The following CALML4 variants were observed in gnomAD, a reference collection of about 807,000 sequenced individuals.
CALML4 encodes the protein calmodulin like 4.
CALML4 carries 16 observed loss-of-function variants against 17.9 expected under a neutral mutation model. The observed-to-expected ratio is 0.89, with a 90% confidence interval of 0.61 to 1.36. The LOEUF is 1.36. CALML4 is among the 40% of genes most tolerant of loss of function. The pLI is 0.00. For synonymous variants in CALML4, 86 were observed against 71.5 expected, an observed-to-expected ratio of 1.20 and a Z score of -1.02; for missense variants, 203 against 194.8, an observed-to-expected ratio of 1.04 and a Z score of -0.25.
chr15:68,197,460 TCCC>T lies in CALML4; in HGVS notation c.341_343del (p.Gly114del). On this transcript the variant is annotated inframe_deletion, in exon 4 of 5. Transcript: ENST00000467889. This position sits in a 1 kb window ranked among gnomAD's most constrained non-coding sequence, Gnocchi z 4.1. ...GTTACCTTCCTTGTGGGTGAGCTTC[TCCC>T]CCAGACTCGTGAGTTTTGACCGCAG... The T allele has an allele frequency of 1.2e-6, 2 of 1,613,858 alleles. No individual in the cohort carries two copies. Among genetic ancestry groups the T allele is most frequent in the Non-Finnish European group, 1.7e-6 (2 of 1,179,912 alleles).
rs1358043940 is a variant in CALML4, at chr15:68,197,008, G to A, written c.364+432C>T. Among the ~76,000 whole-genome samples, 1 of 152,212 alleles carries A rather than the reference G, an allele frequency of 6.6e-6. No individual in the cohort carries two copies. The highest frequency in any genetic ancestry group is 2.4e-5 in the African/African-American group (1 of 41,456). ...CTGCTGTGATGGGAAAAAGGGCAGG[G>A]ATGTCTAGACCTGCCTTCGCTCCTG... is the stretch of plus-strand genomic sequence containing the variant. On this transcript the variant is annotated intron_variant, in intron 4 of 4. Transcript: ENST00000467889. The surrounding 1 kb of genome is among the most constrained non-coding windows in gnomAD (Gnocchi z 4.1).
Position 68,199,582 on chromosome 15 carries a change from G to A in CALML4, c.134C>T (p.Thr45Met), listed in dbSNP as rs776462687. Residue 45 changes from threonine (T) to methionine (M), a missense_variant, in exon 3 of 5, where the codon ACG becomes ATG. Coordinates refer to ENST00000467889, the MANE Select transcript of CALML4 (RefSeq NM_033429.3). ...CAGGTGCCGCTGCACCTCCCCTGGCGTCGGGCTGGCCCCCAGGCACCTCAT... is the reference window on the plus strand; with the variant it reads ...CAGGTGCCGCTGCACCTCCCCTGGCATCGGGCTGGCCCCCAGGCACCTCAT... ...VAMRCLGASP[T>M]PGEVQRHLQT... 29 of 1,613,568 alleles carry A rather than the reference G, an allele frequency of 1.8e-5. No homozygotes were observed. Among genetic ancestry groups the A allele is most frequent in the African/African-American group, 5.3e-5 (4 of 74,798 alleles).
At chr15:68,201,151 C>A (rs1156285237) in intron 2 of CALML4, among the ~76,000 whole-genome samples, 1 of 152,204 alleles carries the variant, frequency 6.6e-6, no homozygotes, top group Non-Finnish European at 1.5e-5. Flanking sequence ...GAGACAAATT[C>A]GCGGCCTTTG....
rs968729631 is a variant in CALML4 at position 68,197,942 on chromosome 15, C to T, written c.176-314G>A. On this transcript the variant is annotated intron_variant, in intron 3 of 4. Transcript: ENST00000467889. This position sits in a 1 kb window ranked among gnomAD's most constrained non-coding sequence, Gnocchi z 4.1. ...TCCTCTGCTCCCTTCTAGCGCTTCC[C>T]TCCTGCCCTGAACTGGAGGGAAACA... 3.7e-5 allele frequency: 11 copies of T among 294,870 alleles called. No homozygotes were observed. The South Asian group carries it at 4.7e-4, about 13-fold the overall frequency. 18.3% of individuals were successfully genotyped at this position (294,870 alleles called of 1,614,324 possible).
chr15:68,193,092 T>A lies in CALML4; in HGVS notation c.*923A>T, dbSNP rs192244250. The A allele has an allele frequency of 6.6e-6, 1 of 152,396 alleles. No homozygotes were observed. Among genetic ancestry groups the A allele is most frequent in the East Asian group, 1.9e-4 (1 of 5,192 alleles). The allele number at this position is 152,396 out of a possible 1,614,324, so 9.4% of individuals were successfully genotyped here. A position where few individuals can be genotyped will look rare whatever the true frequency, so the allele number is the denominator to read the frequency against. On this transcript the variant is annotated 3_prime_UTR_variant, in exon 5 of 5. Coordinates refer to ENST00000467889, the MANE Select transcript of CALML4 (RefSeq NM_033429.3). Reference sequence around the variant, plus strand: ...CTGGCCATTGCTGGTTACATCCCCTTATTTCTCTCCGTAAGTCCTGGGGAG... The same window carrying A: ...CTGGCCATTGCTGGTTACATCCCCTAATTTCTCTCCGTAAGTCCTGGGGAG...
At chr15:68,198,270 C>CA (rs2093152848) in intron 3 of CALML4, 1 of 152,336 alleles carries the variant, frequency 6.6e-6, no homozygotes, top group Non-Finnish European at 1.5e-5. Flanking sequence ...AACCCACCGC[C>CA]AGGCTGCAGG....
In CALML4 at chr15:68,204,760, A is replaced by G. The variant is rs1205653032; in HGVS notation, c.34+361T>C. Reference sequence around the variant, plus strand: ...CAGACCTGGCCTCTGTTCTGTCTCAATTACAAAGCCCCTCCTCTTTCCCTG... The same window carrying G: ...CAGACCTGGCCTCTGTTCTGTCTCAGTTACAAAGCCCCTCCTCTTTCCCTG... On this transcript the variant is annotated intron_variant, in intron 2 of 4. Coordinates refer to ENST00000467889, the MANE Select transcript of CALML4 (RefSeq NM_033429.3). The surrounding 1 kb of genome is among the most constrained non-coding windows in gnomAD (Gnocchi z 6.0). Among the ~76,000 whole-genome samples, 3 of 152,070 alleles carry G rather than the reference A, an allele frequency of 2.0e-5. No homozygotes were observed. The highest frequency in any genetic ancestry group is 6.5e-5 in the Admixed American group (1 of 15,276).
chr15:68,205,457 T>C, upstream of CALML4: 9 of 1,571,938 alleles, frequency 5.7e-6, no homozygotes, highest in South Asian at 9.0e-5. This position sits in a 1 kb window ranked among gnomAD's most constrained non-coding sequence, Gnocchi z 4.8. Context: ...GCAGGTTGGA[T>C]TTTTGAGGAA....
rs772597427 is a variant in CALML4, at chr15:68,199,593, C to A, written c.123G>T (p.Gly41=). ...GCACCTCCCCTGGCGTCGGGCTGGC[C>A]CCCAGGCACCTCATGGCCACCATGA... ...TDLMVAMRCL[G]ASPTPGEVQR... is the part of the protein sequence containing the mutation. The change falls in exon 3 of 5, where the codon GGG becomes GGT. Residue 41 remains glycine, a synonymous_variant. Transcript: ENST00000467889. 1 of 1,613,748 alleles carries A rather than the reference C, an allele frequency of 6.2e-7. No homozygotes were observed. Among genetic ancestry groups the A allele is most frequent in the Non-Finnish European group, 8.5e-7 (1 of 1,179,966 alleles).
At position 68,200,637 on chromosome 15, in the gene CALML4, G is replaced by A. The variant is rs958139760; in HGVS notation, c.35-956C>T. On this transcript the variant is annotated intron_variant, in intron 2 of 4. Coordinates refer to ENST00000467889, the MANE Select transcript of CALML4 (RefSeq NM_033429.3). The surrounding 1 kb of genome is among the most constrained non-coding windows in gnomAD (Gnocchi z 4.3). ...AGGGAGATTCTCGTCCAGCCCAGAC[G>A]AGGCACCCGGGCCTGTGGGTGGAGC... Among the ~76,000 whole-genome samples, 8 of 151,924 alleles carry A rather than the reference G, an allele frequency of 5.3e-5. No homozygotes were observed. In the East Asian group the frequency reaches 5.8e-4, roughly 11 times the overall value.
At chr15:68,195,829 A>T (rs537245518) in intron 4 of CALML4, among the ~76,000 whole-genome samples, 137 of 152,280 alleles carry the variant, frequency 9.0e-4, no homozygotes, top group African/African-American at 3.0e-3. Flanking sequence ...TTAGAGATGT[A>T]TGTGAGTCTG....
chr15:68,205,673 A>G (rs1462477980), upstream of CALML4: 1 of 385,298 alleles, frequency 2.6e-6, no homozygotes, highest in Non-Finnish European at 4.9e-6. This position sits in a 1 kb window ranked among gnomAD's most constrained non-coding sequence, Gnocchi z 4.8. Flanking sequence ...GGCTCCTCAC[A>G]CACCATCTTG....
intron 4 of CALML4, among the ~76,000 whole-genome samples, chr15:68,196,988 G>C (rs2093147028): frequency 6.6e-6 from 1 of 151,898 alleles, no homozygotes; most frequent in Non-Finnish European, 1.5e-5. Context: ...GCAGACTGCT[G>C]TGATGGGAAA....
In CALML4 at chr15:68,204,093, G is replaced by A. The variant is rs2093174165; in HGVS notation, c.34+1028C>T. ...TTTAAAAGTCCCTGCTCCTGCCCTGGCCCTCCTCTTGGGATAAAGAGTTCC... is the reference window on the plus strand; with the variant it reads ...TTTAAAAGTCCCTGCTCCTGCCCTGACCCTCCTCTTGGGATAAAGAGTTCC... On this transcript the variant is annotated intron_variant, in intron 2 of 4. Coordinates refer to ENST00000467889, the MANE Select transcript of CALML4 (RefSeq NM_033429.3). The surrounding 1 kb of genome is among the most constrained non-coding windows in gnomAD (Gnocchi z 6.0). 6.6e-6 allele frequency among the ~76,000 whole-genome samples: 1 copy of A among 152,150 alleles called. No individual in the cohort carries two copies. The highest frequency in any genetic ancestry group is 1.5e-5 in the Non-Finnish European group (1 of 68,020).
At position 68,191,070 on chromosome 15, in the gene CALML4, ATTTTG is replaced by A. The variant is rs1365581609; in HGVS notation, c.*2940_*2944del. On this transcript the variant is annotated 3_prime_UTR_variant, in exon 5 of 5. Transcript: ENST00000467889. ...CACATTTGAAATTATTTTAGTAAGA[ATTTTG>A]TTTTATCAATAGATGTTGAATTCTG... 1.3e-5 allele frequency: 2 copies of A among 152,728 alleles called. No homozygotes were observed. Among genetic ancestry groups the A allele is most frequent in the Middle Eastern group, 3.4e-3 (1 of 294 alleles). The allele number at this position is 152,728 out of a possible 1,614,324, so 9.5% of individuals were successfully genotyped here. A position where few individuals can be genotyped will look rare whatever the true frequency, so the allele number is the denominator to read the frequency against.
In CALML4 at chr15:68,204,512, G is replaced by A. The variant is rs78176464; in HGVS notation, c.34+609C>T. Among the ~76,000 whole-genome samples, 3,336 of 152,276 alleles carry A rather than the reference G, an allele frequency of 0.022. 114 individuals carry two copies. The highest frequency in any genetic ancestry group is 0.077 in the African/African-American group (3,197 of 41,534). On this transcript the variant is annotated intron_variant, in intron 2 of 4. Transcript: ENST00000467889. This position sits in a 1 kb window ranked among gnomAD's most constrained non-coding sequence, Gnocchi z 6.0. ...CCCTGGCTCAGGTCTGGGCCCCCAA[G>A]TTCTTTGTAACGCAACTCTTTGCTC... is the stretch of plus-strand genomic sequence containing the variant.
rs778193603 is a variant in CALML4, at chr15:68,199,558, A to G, written c.158T>C (p.Leu53Pro). ...SPTPGEVQRH[L>P]QTHGIDGNGE... is the part of the protein sequence containing the mutation. ...CCACTCACCTATCCCGTGGGTCTGC[A>G]GGTGCCGCTGCACCTCCCCTGGCGT... is the stretch of plus-strand genomic sequence containing the variant. Residue 53 changes from leucine (L) to proline (P), a missense_variant, in exon 3 of 5, where the codon CTG becomes CCG. Physicochemically the swap from Leu to Pro is moderately conservative, Grantham distance 98 (BLOSUM62 -3). Coordinates refer to ENST00000467889, the MANE Select transcript of CALML4 (RefSeq NM_033429.3). 3.1e-6 allele frequency: 5 copies of G among 1,613,436 alleles called. No individual in the cohort carries two copies. The highest frequency in any genetic ancestry group is 3.4e-6 in the Non-Finnish European group (4 of 1,179,838).
intron 2 of CALML4, among the ~76,000 whole-genome samples, chr15:68,203,791 CCT>C (rs2093173219): frequency 6.6e-6 from 1 of 152,176 alleles, no homozygotes; most frequent in South Asian, 2.1e-4. Flanking sequence ...CTCCAAAGCC[CCT>C]GTTCTTCCCA....
chr15:68,199,014 T>A (rs184823036), intron 3 of CALML4, among the ~76,000 whole-genome samples: 2 of 151,876 alleles, frequency 1.3e-5, no homozygotes, highest in Admixed American at 6.6e-5. Context: ...ATGCAAAAAT[T>A]AGCTAGGCGT....
Sources: gnomAD v4.1 joint callset for allele counts (sites outside exome capture counted in the v4.1 genomes callset) on GRCh38, gnomAD v4.1.1 for gene constraint, Gnocchi (gnomAD v3.1) non-coding constraint, MANE v1.5 for transcripts, NCBI Gene and HGNC (gene_info 2026-07-23, HGNC 2026-07-21) for gene names.